The following GPATCH8 variants were observed in gnomAD, a reference collection of about 807,000 sequenced individuals.
GPATCH8 encodes G-patch domain containing 8.
Under a neutral mutation model 118.3 loss-of-function variants are expected in GPATCH8, and 18 were observed. The ratio of observed to expected loss-of-function variants is 0.15; its 90% confidence interval spans 0.11 to 0.23. The LOEUF is 0.23. Ranked by LOEUF, GPATCH8 falls within the 10% of genes least tolerant of loss-of-function variation. The pLI is 1.00. For missense variants in GPATCH8, 1,631 were observed against 1,873.8 expected, an observed-to-expected ratio of 0.87 and a Z score of 2.39; for synonymous variants, 659 against 684.7, an observed-to-expected ratio of 0.96 and a Z score of 0.59.
intron 7 of GPATCH8, among the ~76,000 whole-genome samples, chr17:44,401,896 T>C (rs939211383): frequency 2.0e-5 from 3 of 151,432 alleles, no homozygotes. Context: ...CCCAGCTACT[T>C]GGGAGGCTGA....
intron 6 of GPATCH8, among the ~76,000 whole-genome samples, chr17:44,411,543 G>A (rs2049433123): frequency 1.3e-5 from 2 of 152,042 alleles, no homozygotes; most frequent in African/African-American, 4.8e-5. Context: ...CATGTAAAGG[G>A]GATTTCAAGT....
Position 44,503,295 on chromosome 17 carries a change from T to C in GPATCH8, c.45+31A>G, listed in dbSNP as rs1395167690. The C allele has an allele frequency of 1.9e-6, 3 of 1,592,008 alleles. No individual in the cohort carries two copies. The African/African-American group carries it at 4.0e-5, about 21-fold the overall frequency. The stretch of plus-strand genomic sequence containing the variant: ...GAGGTTCTGGGCTAGACCAGCGCCT[T>C]CCCCGCATCCTCGGCGACGCCCGTG... On this transcript the variant is annotated intron_variant, in intron 1 of 7. Coordinates refer to ENST00000591680, the MANE Select transcript of GPATCH8 (RefSeq NM_001002909.4).
intron 1 of GPATCH8, among the ~76,000 whole-genome samples, chr17:44,494,989 G>A: frequency 6.6e-6 from 1 of 152,036 alleles, no homozygotes; most frequent in African/African-American, 2.4e-5. Context: ...CCATTCACTT[G>A]AAGGATGCAA....
At chr17:44,426,252 G>A (rs935544366) in intron 5 of GPATCH8, among the ~76,000 whole-genome samples, 1 of 152,234 alleles carries the variant, frequency 6.6e-6, no homozygotes, top group Non-Finnish European at 1.5e-5. Flanking sequence ...AACATTTGCA[G>A]TACAAAGAAT....
Position 44,415,427 on chromosome 17 carries a change from C to A in GPATCH8, c.492+8922G>T, listed in dbSNP as rs557751511. On this transcript the variant is annotated intron_variant, in intron 6 of 7. Transcript: ENST00000591680. ...GCTTGAGCATCCCAAATCTGAAAAC[C>A]CAAAATGCTCCAATAAACACTTCCT... 7.8e-4 allele frequency among the ~76,000 whole-genome samples: 118 copies of A among 152,180 alleles called. 2 individuals carry two copies. The South Asian group carries it at 0.024, about 31-fold the overall frequency.
At chr17:44,447,882 G>A (rs1263347712) in intron 3 of GPATCH8, among the ~76,000 whole-genome samples, 1 of 152,118 alleles carries the variant, frequency 6.6e-6, no homozygotes, top group Non-Finnish European at 1.5e-5. Context: ...TATGCAGAAC[G>A]CTCAAGGGTT....
At chr17:44,419,227 T>C (rs922031789) in intron 6 of GPATCH8, among the ~76,000 whole-genome samples, 3 of 152,226 alleles carry the variant, frequency 2.0e-5, no homozygotes, top group Non-Finnish European at 2.9e-5. Flanking sequence ...GAAAATCTGA[T>C]AGAAGATGCA....
chr17:44,472,856 C>T (rs571990889), intron 2 of GPATCH8, among the ~76,000 whole-genome samples: 58 of 151,748 alleles, frequency 3.8e-4, no homozygotes, highest in Non-Finnish European at 6.9e-4. Context: ...CCACTGCGCC[C>T]GGCTAATTTT....
At chr17:44,416,519 G>C (rs1466607899) in intron 6 of GPATCH8, among the ~76,000 whole-genome samples, 3 of 152,088 alleles carry the variant, frequency 2.0e-5, no homozygotes, top group African/African-American at 7.2e-5. Context: ...CAGTGGTATA[G>C]AATACCACTG....
Position 44,396,650 on chromosome 17 carries a change from A to G in GPATCH8, c.*918T>C, listed in dbSNP as rs1410788080. On this transcript the variant is annotated 3_prime_UTR_variant, in exon 8 of 8. Transcript: ENST00000591680. ...AACATATTTACACAAAGCCACCAGA[A>G]CGAGGATCACTTAAAGAGCTGGATG... The G allele has an allele frequency of 4.5e-6, 2 of 448,078 alleles. No homozygotes were observed. Among genetic ancestry groups the G allele is most frequent in the Non-Finnish European group, 8.9e-6 (2 of 225,328 alleles). 27.8% of individuals were successfully genotyped at this position (448,078 alleles called of 1,614,324 possible).
chr17:44,496,910 A>C (rs2144497111), intron 1 of GPATCH8, among the ~76,000 whole-genome samples: 1 of 152,320 alleles, frequency 6.6e-6, no homozygotes, highest in Non-Finnish European at 1.5e-5. Flanking sequence ...TCCAGAGTTA[A>C]ATGGACAATT....
At chr17:44,412,576 G>A (rs1242753268) in intron 6 of GPATCH8, among the ~76,000 whole-genome samples, 1 of 151,724 alleles carries the variant, frequency 6.6e-6, no homozygotes, top group Non-Finnish European at 1.5e-5. Flanking sequence ...TAGAGACAGG[G>A]TTTCACCATG....
chr17:44,479,476 C>T (rs900960764), intron 1 of GPATCH8, among the ~76,000 whole-genome samples: 1 of 152,116 alleles, frequency 6.6e-6, no homozygotes, highest in Non-Finnish European at 1.5e-5. Flanking sequence ...GGTGCTAGAA[C>T]TAGGTGTCCA....
chr17:44,407,298 T>A, intron 6 of GPATCH8: 2 of 148,936 alleles, frequency 1.3e-5, no homozygotes, highest in Non-Finnish European at 1.5e-5. Context: ...GAAAAAAAAG[T>A]AAAAAATAAA....
intron 3 of GPATCH8, among the ~76,000 whole-genome samples, chr17:44,454,821 ATATT>A (rs1336151725): frequency 3.3e-5 from 5 of 152,160 alleles, no homozygotes; most frequent in African/African-American, 1.2e-4. Flanking sequence ...TCTATAGTTT[ATATT>A]TATTCCATTA....
chr17:44,401,422 T>C lies in GPATCH8; in HGVS notation c.655A>G (p.Thr219Ala), dbSNP rs983582227. The C allele has an allele frequency of 8.1e-6, 13 of 1,613,198 alleles. No individual in the cohort carries two copies. Among genetic ancestry groups the C allele is most frequent in the African/African-American group, 2.7e-5 (2 of 74,920 alleles). The change falls in exon 8 of 8, where the codon ACC becomes GCC. Residue 219 changes from threonine (T) to alanine (A), a missense_variant. Physicochemically the swap from Thr to Ala is moderately conservative, Grantham distance 58. This residue lies in a region of GPATCH8 where 405 missense variants were observed against 462.7 expected (regional missense o/e 0.88). Transcript: ENST00000591680. ...APGSGPMFKP[T>A]TVAVDEEGGE... ...CCTTCTTCATCTACAGCCACTGTGG[T>C]TGGTTTGAACATGGGACCACTTCCA...
At chr17:44,484,786 G>A (rs918709957) in intron 1 of GPATCH8, among the ~76,000 whole-genome samples, 3 of 152,088 alleles carry the variant, frequency 2.0e-5, no homozygotes, top group African/African-American at 7.2e-5. Flanking sequence ...GCCCTAATTT[G>A]ATATTTCAAT....
intron 7 of GPATCH8, among the ~76,000 whole-genome samples, chr17:44,405,081 G>T (rs983252204): frequency 9.2e-5 from 14 of 152,142 alleles, no homozygotes; most frequent in Admixed American, 5.2e-4. Context: ...ATAAATGTTT[G>T]AGATGATGGA....
At chr17:44,425,156 G>T (rs757064349) in intron 5 of GPATCH8, among the ~76,000 whole-genome samples, 3 of 152,168 alleles carry the variant, frequency 2.0e-5, no homozygotes, top group Admixed American at 6.6e-5. Flanking sequence ...ATACCTCAAA[G>T]CAAGTTGAGT....
Sources: allele counts gnomAD v4.1 joint callset (sites outside exome capture counted in the v4.1 genomes callset), GRCh38; gene constraint gnomAD v4.1.1; regional missense constraint gnomAD v4.1.1; transcripts MANE v1.5; gene names NCBI Gene and HGNC (gene_info 2026-07-23, HGNC 2026-07-21).